The following BMPER variants were observed in gnomAD, a reference collection of about 807,000 sequenced individuals.
The protein encoded by BMPER is BMP binding endothelial regulator.
Under a neutral mutation model 87.3 loss-of-function variants are expected in BMPER, and 45 were observed. The ratio of observed to expected loss-of-function variants is 0.52; its 90% CI spans 0.41 to 0.66. The LOEUF (loss-of-function observed/expected upper bound fraction) is 0.66. BMPER is among the 30% of genes least tolerant of loss of function. BMPER has a pLI of 0.00. For missense variants in BMPER, 784 were observed against 867.5 expected, an observed-to-expected ratio of 0.90 and a Z score of 1.21; for synonymous variants, 326 against 316.2, an observed-to-expected ratio of 1.03 and a Z score of -0.33.
At chr7:34,096,406 T>G (rs1789532720) in intron 13 of BMPER, among the ~76,000 whole-genome samples, 1 of 152,172 alleles carries the variant, frequency 6.6e-6, no homozygotes, top group East Asian at 1.9e-4. Context: ...GGGCTTGGGC[T>G]CAGAGCTGTG....
intron 13 of BMPER, among the ~76,000 whole-genome samples, chr7:34,124,195 T>A (rs1375346207): frequency 6.6e-6 from 1 of 152,202 alleles, no homozygotes; most frequent in Non-Finnish European, 1.5e-5. Context: ...CGCTCTCCTC[T>A]TTTAGGTACA....
intron 13 of BMPER, among the ~76,000 whole-genome samples, chr7:34,130,992 A>C (rs1202296060): frequency 6.6e-6 from 1 of 152,084 alleles, no homozygotes; most frequent in African/African-American, 2.4e-5. Flanking sequence ...CCTCTGGGCC[A>C]GTGTTCTGGG....
At chr7:33,977,457 C>T (rs988812961) in intron 6 of BMPER, among the ~76,000 whole-genome samples, 1 of 152,042 alleles carries the variant, frequency 6.6e-6, no homozygotes, top group Non-Finnish European at 1.5e-5. Flanking sequence ...ATGTGAGGTG[C>T]GTGCAGGTGT....
At chr7:34,092,731 T>C (rs938751336) in intron 13 of BMPER, among the ~76,000 whole-genome samples, 2 of 152,176 alleles carry the variant, frequency 1.3e-5, no homozygotes, top group African/African-American at 4.8e-5. Flanking sequence ...ACCTGAATTT[T>C]AGCTTCAAAA....
intron 2 of BMPER, among the ~76,000 whole-genome samples, chr7:33,928,233 C>A (rs2128606539): frequency 6.6e-6 from 1 of 152,246 alleles, no homozygotes. Flanking sequence ...ACATGCCTGG[C>A]AGAGTGAGTT....
chr7:34,108,748 C>G (rs1324607955), intron 13 of BMPER, among the ~76,000 whole-genome samples: 2 of 152,194 alleles, frequency 1.3e-5, no homozygotes, highest in Admixed American at 1.3e-4. Flanking sequence ...TGCTTTTCAC[C>G]TGATGCCAAA....
intron 2 of BMPER, among the ~76,000 whole-genome samples, chr7:33,909,537 T>C (rs1296645347): frequency 1.3e-5 from 2 of 152,166 alleles, no homozygotes; most frequent in Non-Finnish European, 2.9e-5. Context: ...TGGTTTTATG[T>C]ATGTACATTA....
chr7:34,140,258 G>A (rs1225961317), intron 13 of BMPER, among the ~76,000 whole-genome samples: 1 of 152,180 alleles, frequency 6.6e-6, no homozygotes, highest in African/African-American at 2.4e-5. Context: ...GTAAAAGCTG[G>A]CAGTTTCACA....
intron 13 of BMPER, among the ~76,000 whole-genome samples, chr7:34,113,680 C>T (rs558477886): frequency 3.3e-5 from 5 of 151,894 alleles, no homozygotes; most frequent in Non-Finnish European, 7.4e-5. Flanking sequence ...CGCCAGGTAG[C>T]GTGCCACAGG....
chr7:34,082,191 A>G (rs1488733262), intron 12 of BMPER, among the ~76,000 whole-genome samples: 1 of 152,202 alleles, frequency 6.6e-6, no homozygotes, highest in African/African-American at 2.4e-5. Context: ...TTTCCCATGC[A>G]GAGAATGGAG....
chr7:33,921,054 C>T (rs1312086010), intron 2 of BMPER, among the ~76,000 whole-genome samples: 1 of 152,110 alleles, frequency 6.6e-6, no homozygotes, highest in Non-Finnish European at 1.5e-5. Context: ...TCAGAATGAA[C>T]TCACTTGTTC....
At chr7:34,044,296 T>G (rs897456612) in intron 6 of BMPER, among the ~76,000 whole-genome samples, 1 of 152,228 alleles carries the variant, frequency 6.6e-6, no homozygotes, top group Non-Finnish European at 1.5e-5. Context: ...TTTGCAATTG[T>G]GCAATATTTT....
At chr7:33,996,344 G>A (rs1039814963) in intron 6 of BMPER, among the ~76,000 whole-genome samples, 1 of 152,014 alleles carries the variant, frequency 6.6e-6, no homozygotes, top group Admixed American at 6.6e-5. Context: ...GTGATTTTTA[G>A]CTGTCGTATT....
At chr7:34,100,129 C>T (rs1034360441) in intron 13 of BMPER, among the ~76,000 whole-genome samples, 1 of 152,042 alleles carries the variant, frequency 6.6e-6, no homozygotes, top group African/African-American at 2.4e-5. Context: ...CTCTGTGTTA[C>T]GATTACAGGG....
intron 13 of BMPER, among the ~76,000 whole-genome samples, chr7:34,094,673 G>A (rs1027898552): frequency 6.6e-6 from 1 of 152,156 alleles, no homozygotes; most frequent in Non-Finnish European, 1.5e-5. Context: ...TTAGGCAGGC[G>A]AGCTCACCCA....
chr7:33,910,969 G>A (rs1209901195), intron 2 of BMPER, among the ~76,000 whole-genome samples: 1 of 152,212 alleles, frequency 6.6e-6, no homozygotes, highest in African/African-American at 2.4e-5. Flanking sequence ...AACATTGCAT[G>A]AGGATTCAAT....
intron 7 of BMPER, among the ~76,000 whole-genome samples, chr7:34,047,495 T>G (rs942823259): frequency 6.6e-6 from 1 of 152,008 alleles, no homozygotes; most frequent in Non-Finnish European, 1.5e-5. Flanking sequence ...GCCTGGATGG[T>G]CTCGATCTCC....
chr7:34,135,986 G>C (rs13226146), intron 13 of BMPER, among the ~76,000 whole-genome samples: 149,211 of 152,286 alleles, frequency 0.98, 73,163 homozygotes, highest in Middle Eastern at 1. Context: ...CTCCCCAGAT[G>C]AAGGTTATGA....
chr7:34,062,092 A>G, intron 11 of BMPER, 45 bp downstream of exon 11: 1 of 1,554,208 alleles, frequency 6.4e-7, no homozygotes, highest in Non-Finnish European at 8.9e-7. Flanking sequence ...TTTGTTTTGC[A>G]TTTTATAGTG....
Sources: gnomAD v4.1 joint callset for allele counts (sites outside exome capture counted in the v4.1 genomes callset) on GRCh38, gnomAD v4.1.1 for gene constraint, MANE v1.5 for transcripts, NCBI Gene and HGNC (gene_info 2026-07-23, HGNC 2026-07-21) for gene names.